The following ZNF71 variants were observed in gnomAD, a reference collection of about 807,000 sequenced individuals.
ZNF71 encodes endothelial zinc finger protein induced by tumor necrosis factor alpha.
A neutral mutation model predicts 6.7 loss-of-function variants in ZNF71; 3 were observed. The observed-to-expected ratio is 0.45, with a 90% CI of 0.20 to 1.16. The LOEUF (loss-of-function observed/expected upper bound fraction) is 1.16, where lower values mean the gene tolerates loss of function less well. ZNF71 is among the 50% of genes most tolerant of loss of function. The probability of loss-of-function intolerance (pLI) is 0.25; values close to 1 mark genes in which losing one functional copy is unlikely to be tolerated. For synonymous variants in ZNF71, 343 were observed against 311.1 expected (o/e 1.10, Z -1.08); for missense variants, 688 against 728.6 (o/e 0.94, Z 0.64).
At chr19:56,608,494 G>T (rs889853690) in intron 2 of ZNF71, among the ~76,000 whole-genome samples, 6 of 151,998 alleles carry the variant, frequency 3.9e-5, no homozygotes, top group Non-Finnish European at 7.4e-5. Context: ...TGCATAGACT[G>T]CATTTTGCTT....
chr19:56,623,053 C>A lies in ZNF71; in HGVS notation c.*296C>A. ...GTTCCAGACTAGCCCTCTTGAGTAACTGTCCTAGAGCTGGGACAGGTCACG... is the reference window on the plus strand; with the variant it reads ...GTTCCAGACTAGCCCTCTTGAGTAAATGTCCTAGAGCTGGGACAGGTCACG... On this transcript the variant is annotated 3_prime_UTR_variant, in exon 4 of 4. Coordinates refer to ENST00000599599, the MANE Select transcript of ZNF71 (RefSeq NM_001370215.1). The A allele has an allele frequency of 2.1e-6, 1 of 468,100 alleles. No homozygotes were observed. The highest frequency in any genetic ancestry group is 3.7e-5 in the East Asian group (1 of 27,102). 29.0% of individuals were successfully genotyped at this position (468,100 alleles called of 1,614,324 possible). A position where few individuals can be genotyped will look rare whatever the true frequency, so the allele number is the denominator to read the frequency against.
At chr19:56,601,661 C>T (rs921159787) in intron 2 of ZNF71, 70 bp downstream of exon 2, 3 of 961,662 alleles carry the variant, frequency 3.1e-6, no homozygotes, top group East Asian at 1.2e-4. Context: ...CTCTGCTGCT[C>T]GAACCCTCTC....
At chr19:56,608,960 T>C (rs2044729919) in intron 2 of ZNF71, among the ~76,000 whole-genome samples, 2 of 152,226 alleles carry the variant, frequency 1.3e-5, no homozygotes, top group Non-Finnish European at 2.9e-5. Flanking sequence ...TAGGCTATTA[T>C]TTAATGAATC....
intron 1 of ZNF71, among the ~76,000 whole-genome samples, chr19:56,597,266 G>T (rs867967205): frequency 7.9e-5 from 12 of 152,110 alleles, no homozygotes; most frequent in Non-Finnish European, 1.6e-4. Flanking sequence ...CAGTGTTCTT[G>T]ACCTCACAGG....
In ZNF71 at chr19:56,622,313, C is replaced by T. The variant is rs942340498; in HGVS notation, c.1206C>T (p.Ile402=). 6.2e-7 allele frequency: 1 copy of T among 1,611,752 alleles called. No homozygotes were observed. The highest frequency in any genetic ancestry group is 1.7e-4 in the Middle Eastern group (1 of 6,048). ...GKAFSQSSYL[I]QHQRFHIGVK... is the part of the protein sequence containing the mutation. ...CCTTCAGCCAGAGCTCCTACCTCAT[C>T]CAGCACCAGCGCTTCCACATCGGCG... The change falls in exon 4 of 4, where the codon ATC becomes ATT. Residue 402 remains isoleucine (I), a synonymous_variant. Coordinates refer to ENST00000599599, the MANE Select transcript of ZNF71 (RefSeq NM_001370215.1).
intron 2 of ZNF71, among the ~76,000 whole-genome samples, chr19:56,606,618 C>T (rs770038794): frequency 2.0e-5 from 3 of 152,022 alleles, no homozygotes; most frequent in Non-Finnish European, 4.4e-5. Flanking sequence ...CTTCTTTGCT[C>T]ACATGTCTGT....
intron 1 of ZNF71, among the ~76,000 whole-genome samples, chr19:56,596,167 C>T (rs544031250): frequency 4.5e-4 from 69 of 152,002 alleles, no homozygotes; most frequent in Non-Finnish European, 7.9e-4. Context: ...GGAGGGTGCC[C>T]TCTGGGTGTC....
chr19:56,622,294 G>A lies in ZNF71; in HGVS notation c.1187G>A (p.Ser396Asn), dbSNP rs1406571088. Residue 396 changes from serine (S) to asparagine (N), a missense_variant, in exon 4 of 4, where the codon AGC becomes AAC. Ser to Asn is a conservative substitution (Grantham distance 46). Coordinates refer to ENST00000599599, the MANE Select transcript of ZNF71 (RefSeq NM_001370215.1). ...YVCGECGKAF[S>N]QSSYLIQHQR... The stretch of plus-strand genomic sequence containing the variant: ...TGCGGCGAGTGCGGCAAGGCCTTCA[G>A]CCAGAGCTCCTACCTCATCCAGCAC... 2 of 1,608,968 alleles carry A rather than the reference G, an allele frequency of 1.2e-6. No individual in the cohort carries two copies. Among genetic ancestry groups the A allele is most frequent in the East Asian group, 2.2e-5 (1 of 44,792 alleles).
At chr19:56,604,108 T>G (rs2148007046) in intron 2 of ZNF71, among the ~76,000 whole-genome samples, 1 of 152,272 alleles carries the variant, frequency 6.6e-6, no homozygotes, top group African/African-American at 2.4e-5. Context: ...GTGGGTGTAC[T>G]TAGGGAAGAC....
At chr19:56,595,853 T>TGTGTGTG (rs142255107) in intron 1 of ZNF71, among the ~76,000 whole-genome samples, 6 of 137,500 alleles carry the variant, frequency 4.4e-5, no homozygotes, top group African/African-American at 1.4e-4. Flanking sequence ...GTGTGTGTGT[T>TGTGTGTG]TGTGTGTGTG....
rs950899369 is a variant in ZNF71, at chr19:56,618,365, G to A, written c.161-2903G>A. 3.9e-5 allele frequency among the ~76,000 whole-genome samples: 6 copies of A among 152,180 alleles called. No homozygotes were observed. The highest frequency in any genetic ancestry group is 1.9e-4 in the East Asian group (1 of 5,186). On this transcript the variant is annotated intron_variant, in intron 3 of 3. Transcript: ENST00000599599. The surrounding 1 kb of genome is among the most constrained non-coding windows in gnomAD (Gnocchi z 4.6). ...TGATTGTGAGGGTCTCCAGAGATCC[G>A]TGCAAATTGTTCAGCACTGTGCCAG...
intron 2 of ZNF71, among the ~76,000 whole-genome samples, chr19:56,606,369 C>A (rs2044710138): frequency 6.6e-6 from 1 of 152,088 alleles, no homozygotes; most frequent in Non-Finnish European, 1.5e-5. Flanking sequence ...ATCTAGAATT[C>A]CTGTTTAGGG....
In ZNF71 at chr19:56,624,027, A is replaced by T; in HGVS notation, c.*1270A>T. The T allele has an allele frequency of 6.0e-6, 1 of 167,236 alleles. No homozygotes were observed. The allele number at this position is 167,236 out of a possible 1,614,324, so 10.4% of individuals were successfully genotyped here. A position where few individuals can be genotyped will look rare whatever the true frequency, so the allele number is the denominator to read the frequency against. ...AGGCCGACTGAAGCTCTGTTTACAC[A>T]TAAGAGTGTTCCCCAAAGTGCACTT... On this transcript the variant is annotated 3_prime_UTR_variant, in exon 4 of 4. Transcript: ENST00000599599.
rs1177791776 is a variant in ZNF71, at chr19:56,595,849, GTGTT to G, written c.-53+425_-53+428del. Among the ~76,000 whole-genome samples the G allele has an allele frequency of 1.2e-3, 163 of 132,102 alleles. No individual in the cohort carries two copies. The South Asian group carries it at 0.019, about 15-fold the overall frequency. 86.7% of individuals were successfully genotyped at this position (132,102 alleles called of 152,430 possible). The stretch of plus-strand genomic sequence containing the variant: ...CTCTGGATATTGTGATTGTGTGTGT[GTGTT>G]TGTGTGTGTGTGTGTGTGTGTGTGT... On this transcript the variant is annotated intron_variant, in intron 1 of 3. Coordinates refer to ENST00000599599, the MANE Select transcript of ZNF71 (RefSeq NM_001370215.1).
intron 3 of ZNF71, among the ~76,000 whole-genome samples, chr19:56,617,107 C>CT (rs200131241): frequency 1.7e-5 from 2 of 117,096 alleles, no homozygotes; most frequent in African/African-American, 7.8e-5. Context: ...CTTCCATTTT[C>CT]TTTTGTTTTT....
intron 2 of ZNF71, among the ~76,000 whole-genome samples, chr19:56,609,519 T>C (rs1161164833): frequency 6.6e-6 from 1 of 152,014 alleles, no homozygotes; most frequent in Non-Finnish European, 1.5e-5. Context: ...TTCCGGACAT[T>C]GTATATAAAT....
rs1167440905 is a variant in ZNF71 at position 56,598,378 on chromosome 19, T to C, written c.-53+2950T>C. On this transcript the variant is annotated intron_variant, in intron 1 of 3. Transcript: ENST00000599599. The surrounding 1 kb of genome is among the most constrained non-coding windows in gnomAD (Gnocchi z 4.2). The stretch of plus-strand genomic sequence containing the variant: ...CATCAGGGGCACATCATAAGGGCTA[T>C]GTGGGCAGCAGTGAAGACTTTGAGT... 6.6e-6 allele frequency among the ~76,000 whole-genome samples: 1 copy of C among 152,036 alleles called. No individual in the cohort carries two copies. The highest frequency in any genetic ancestry group is 1.5e-5 in the Non-Finnish European group (1 of 68,004).
Position 56,624,309 on chromosome 19 carries a change from C to G in ZNF71, c.*1552C>G, listed in dbSNP as rs2044891800. On this transcript the variant is annotated 3_prime_UTR_variant, in exon 4 of 4. Coordinates refer to ENST00000599599, the MANE Select transcript of ZNF71 (RefSeq NM_001370215.1). ...GGGTGGGTTTGATTCAGGCTCTCAT[C>G]ATTGGAGCCATAGCTGTGGTTCTCT... 1 of 152,270 alleles carries G rather than the reference C, an allele frequency of 6.6e-6. No individual in the cohort carries two copies. The highest frequency in any genetic ancestry group is 1.5e-5 in the Non-Finnish European group (1 of 68,044). 9.4% of individuals were successfully genotyped at this position (152,270 alleles called of 1,614,324 possible).
rs1030954637 is a variant in ZNF71, at chr19:56,622,250, C to A, written c.1143C>A (p.Thr381=). The A allele has an allele frequency of 2.5e-6, 4 of 1,605,210 alleles. No homozygotes were observed. The highest frequency in any genetic ancestry group is 2.6e-6 in the Non-Finnish European group (3 of 1,174,170). The part of the protein sequence containing the change: ...SSLTLHQRNH[T]GEKPYVCGEC... ...TCACCCTGCACCAGAGGAACCACAC[C>A]GGCGAGAAGCCCTACGTGTGCGGCG... is the stretch of plus-strand genomic sequence containing the variant. Residue 381 remains threonine, a synonymous_variant, in exon 4 of 4, where the codon ACC becomes ACA. Transcript: ENST00000599599.
Sources: gnomAD v4.1 joint callset for allele counts (sites outside exome capture counted in the v4.1 genomes callset) on GRCh38, gnomAD v4.1.1 for gene constraint, Gnocchi (gnomAD v3.1) non-coding constraint, MANE v1.5 for transcripts, NCBI Gene and HGNC (gene_info 2026-07-23, HGNC 2026-07-21) for gene names.